Variants in TRAPPC3L observed in about 807,000 individuals in gnomAD.
TRAPPC3L encodes the protein trafficking protein particle complex subunit 3L, also known as trafficking protein particle complex subunit 3-like protein.
Under a neutral mutation model 23.7 loss-of-function variants are expected in TRAPPC3L, and 23 were observed. The ratio of observed to expected loss-of-function variants is 0.97; its 90% CI spans 0.70 to 1.37. The LOEUF (loss-of-function observed/expected upper bound fraction) is 1.37, where lower values mean the gene tolerates loss of function less well. Ranked by LOEUF, TRAPPC3L falls within the 40% of genes most tolerant of loss-of-function variation. TRAPPC3L has a pLI of 0.00. For synonymous variants in TRAPPC3L, 81 were observed against 77.9 expected, an observed-to-expected ratio of 1.04 and a Z score of -0.21; for missense variants, 212 against 216.8, an observed-to-expected ratio of 0.98 and a Z score of 0.14.
intron 3 of TRAPPC3L, among the ~76,000 whole-genome samples, chr6:116,537,139 C>A (rs9374609): frequency 0.31 from 46,454 of 152,080 alleles, 8,759 homozygotes; most frequent in Middle Eastern, 0.5. Flanking sequence ...GGACAGTTGT[C>A]TTACACTAGA....
intron 3 of TRAPPC3L, among the ~76,000 whole-genome samples, chr6:116,536,030 A>G (rs551004613): frequency 4.6e-5 from 7 of 152,344 alleles, no homozygotes; most frequent in Admixed American, 3.9e-4. Flanking sequence ...TAAAGAAAAT[A>G]TCAATGCTAT....
intron 3 of TRAPPC3L, among the ~76,000 whole-genome samples, chr6:116,538,110 G>T (rs1305837197): frequency 6.6e-6 from 1 of 152,180 alleles, no homozygotes; most frequent in Non-Finnish European, 1.5e-5. Context: ...TTCTACTAGA[G>T]AAGCTTTGTT....
chr6:116,511,673 A>G, intron 3 of TRAPPC3L: 3 of 1,604,584 alleles, frequency 1.9e-6, no homozygotes, highest in Non-Finnish European at 2.6e-6. Context: ...AAGGCACAGC[A>G]TTTTCCCTCT....
In TRAPPC3L at chr6:116,539,554, A is replaced by C. The variant is rs190974661; in HGVS notation, c.240+809T>G. ...TAGTAACTCCAATTCTGCCTATTTC[A>C]GAGGGTTACTGTGACAGTGAAAGAC... On this transcript the variant is annotated intron_variant, in intron 3 of 4. Transcript: ENST00000368602. Among the ~76,000 whole-genome samples the C allele has an allele frequency of 1.6e-3, 237 of 152,296 alleles. 1 individual carries two copies. Among genetic ancestry groups the C allele is most frequent in the Middle Eastern group, 6.8e-3 (2 of 294 alleles).
intron 3 of TRAPPC3L, chr6:116,519,759 T>C (rs1772295842): frequency 6.6e-6 from 1 of 152,230 alleles, no homozygotes; most frequent in Non-Finnish European, 1.5e-5. Flanking sequence ...ACAAGGAATA[T>C]ACTCAAGGAA....
At chr6:116,510,885 G>A (rs563590758) in intron 3 of TRAPPC3L, among the ~76,000 whole-genome samples, 1 of 151,836 alleles carries the variant, frequency 6.6e-6, no homozygotes, top group East Asian at 1.9e-4. Context: ...AGCTAGAGGC[G>A]TTATTCCAAG....
At chr6:116,535,372 A>T (rs1296412646) in intron 3 of TRAPPC3L, among the ~76,000 whole-genome samples, 1 of 152,224 alleles carries the variant, frequency 6.6e-6, no homozygotes, top group Non-Finnish European at 1.5e-5. Context: ...GTGCTCATCT[A>T]CTGGTGAGGA....
At chr6:116,540,490 G>GA in intron 2 of TRAPPC3L, 28 bp from the exon 3 acceptor site, 2 of 1,543,508 alleles carry the variant, frequency 1.3e-6, no homozygotes, top group South Asian at 1.2e-5. Context: ...AGTGTGGTCT[G>GA]AAAATTCTAA....
chr6:116,510,953 T>A (rs1446624130), intron 3 of TRAPPC3L, among the ~76,000 whole-genome samples: 5 of 151,760 alleles, frequency 3.3e-5, no homozygotes, highest in Non-Finnish European at 7.4e-5. Context: ...AAGTGGAAAT[T>A]AAGCTATGGG....
intron 3 of TRAPPC3L, among the ~76,000 whole-genome samples, chr6:116,539,985 T>G (rs1389579161): frequency 6.6e-6 from 1 of 152,162 alleles, no homozygotes; most frequent in Non-Finnish European, 1.5e-5. Flanking sequence ...TAAACAATAT[T>G]CTTTGATACT....
intron 3 of TRAPPC3L, chr6:116,520,191 T>A (rs967947837): frequency 2.0e-5 from 3 of 152,226 alleles, no homozygotes; most frequent in African/African-American, 7.2e-5. Flanking sequence ...TCCACTGATT[T>A]ACTCTAAAAA....
chr6:116,545,091 C>A (rs921904530), intron 1 of TRAPPC3L, among the ~76,000 whole-genome samples: 4 of 150,698 alleles, frequency 2.7e-5, no homozygotes, highest in African/African-American at 9.8e-5. Context: ...ACATAATCAA[C>A]TATATATATA....
chr6:116,499,288 C>T (rs1191312582), intron 4 of TRAPPC3L, among the ~76,000 whole-genome samples: 1 of 152,196 alleles, frequency 6.6e-6, no homozygotes, highest in African/African-American at 2.4e-5. Flanking sequence ...TCTCCCCATT[C>T]CTGCAGTCAG....
chr6:116,535,717 G>A (rs1773033205), intron 3 of TRAPPC3L, among the ~76,000 whole-genome samples: 1 of 152,078 alleles, frequency 6.6e-6, no homozygotes, highest in Admixed American at 6.6e-5. Context: ...TAATTCTACT[G>A]AATATTACAC....
At chr6:116,543,216 A>C in intron 2 of TRAPPC3L, 87 bp downstream of exon 2, 1 of 943,114 alleles carries the variant, frequency 1.1e-6, no homozygotes, top group Non-Finnish European at 1.6e-6. Flanking sequence ...TGGTGAAATG[A>C]AGCAAAGGAA....
chr6:116,532,363 G>A (rs569849216), intron 3 of TRAPPC3L, among the ~76,000 whole-genome samples: 8 of 152,282 alleles, frequency 5.3e-5, no homozygotes, highest in Non-Finnish European at 1.0e-4. Context: ...TTGCCTCCCT[G>A]AGAGAGGGAA....
intron 3 of TRAPPC3L, among the ~76,000 whole-genome samples, chr6:116,509,690 C>T (rs763879804): frequency 3.9e-5 from 6 of 152,180 alleles, no homozygotes; most frequent in Middle Eastern, 3.4e-3. Context: ...ATGGATCAAA[C>T]GCTTATATCT....
chr6:116,537,457 C>A (rs1773170837), intron 3 of TRAPPC3L, among the ~76,000 whole-genome samples: 1 of 152,116 alleles, frequency 6.6e-6, no homozygotes. Flanking sequence ...AATATAATTT[C>A]TAAATGGGGA....
At chr6:116,506,671 A>G (rs1437000247) in intron 3 of TRAPPC3L, among the ~76,000 whole-genome samples, 1 of 152,248 alleles carries the variant, frequency 6.6e-6, no homozygotes, top group Non-Finnish European at 1.5e-5. Context: ...ACACCAGGGA[A>G]TACCATGCAG....
Sources: gnomAD v4.1 joint callset for allele counts (sites outside exome capture counted in the v4.1 genomes callset) on GRCh38, gnomAD v4.1.1 for gene constraint, MANE v1.5 for transcripts, NCBI Gene and HGNC (gene_info 2026-07-23, HGNC 2026-07-21) for gene names.